The following YPEL1 variants were observed in gnomAD, a reference collection of about 807,000 sequenced individuals.
The protein encoded by YPEL1 is protein yippee-like 1.
Under a neutral mutation model 17.3 loss-of-function variants are expected in YPEL1, and 7 were observed. The ratio of observed to expected loss-of-function variants is 0.40; its 90% CI spans 0.23 to 0.76. The LOEUF is 0.76. Among genes scored for constraint, YPEL1 ranks in the 30% least tolerant of loss-of-function variants. The pLI is 0.35. For missense variants in YPEL1, 91 were observed against 155.5 expected (o/e 0.59, Z 2.21); for synonymous variants, 59 against 59.6 (o/e 0.99, Z 0.05).
At chr22:21,725,304 C>T (rs560647204) in intron 1 of YPEL1, among the ~76,000 whole-genome samples, 80 of 151,422 alleles carry the variant, frequency 5.3e-4, no homozygotes, top group African/African-American at 1.8e-3. Context: ...AATGCAAGCT[C>T]CATCTCCCGG....
At chr22:21,719,476 C>A (rs2068258962) in intron 1 of YPEL1, among the ~76,000 whole-genome samples, 1 of 152,184 alleles carries the variant, frequency 6.6e-6, no homozygotes, top group South Asian at 2.1e-4. Context: ...AAGAGAGAGA[C>A]AGGAAACTTA....
intron 1 of YPEL1, among the ~76,000 whole-genome samples, chr22:21,722,559 G>T (rs1173655068): frequency 6.6e-6 from 1 of 151,998 alleles, no homozygotes; most frequent in Non-Finnish European, 1.5e-5. Flanking sequence ...GGAGATTGCA[G>T]TGAGCCGACA....
intron 1 of YPEL1, among the ~76,000 whole-genome samples, chr22:21,725,770 A>T (rs2068329580): frequency 1.3e-5 from 2 of 151,310 alleles, no homozygotes; most frequent in South Asian, 4.2e-4. Flanking sequence ...GGGCAGGAGG[A>T]TCACTTGAGC....
intron 1 of YPEL1, among the ~76,000 whole-genome samples, chr22:21,732,040 GAAT>G: frequency 6.6e-6 from 1 of 152,364 alleles, no homozygotes; most frequent in East Asian, 1.9e-4. Flanking sequence ...GCAATGGGGT[GAAT>G]AACGGCTCCT....
intron 1 of YPEL1, among the ~76,000 whole-genome samples, chr22:21,731,538 G>GAA (rs1555906330): frequency 1.5e-5 from 2 of 137,884 alleles, no homozygotes; most frequent in Non-Finnish European, 1.5e-5. Flanking sequence ...AGAGAAGGGG[G>GAA]GAAAAAAAAA....
Position 21,700,370 on chromosome 22 carries a change from G to A in YPEL1, c.*759C>T, listed in dbSNP as rs1466443039. Reference sequence around the variant, plus strand: ...CCCTATTGCCAGGCTGGAGTGCAGTGGCGCGATCTTGGCTCACTGCAACCT... The same window carrying A: ...CCCTATTGCCAGGCTGGAGTGCAGTAGCGCGATCTTGGCTCACTGCAACCT... On this transcript the variant is annotated 3_prime_UTR_variant, in exon 5 of 5. Coordinates refer to ENST00000339468, the MANE Select transcript of YPEL1 (RefSeq NM_013313.5). 1.3e-5 allele frequency: 2 copies of A among 152,422 alleles called. No individual in the cohort carries two copies. Among genetic ancestry groups the A allele is most frequent in the Non-Finnish European group, 2.9e-5 (2 of 68,210 alleles). The allele number at this position is 152,422 out of a possible 1,614,324, so 9.4% of individuals were successfully genotyped here.
chr22:21,718,803 C>T (rs540280454), intron 1 of YPEL1, among the ~76,000 whole-genome samples: 1 of 152,088 alleles, frequency 6.6e-6, no homozygotes, highest in African/African-American at 2.4e-5. Context: ...CACACACACA[C>T]ACCATCTTCT....
In YPEL1 at chr22:21,703,112, G is replaced by A. The variant is rs143834675; in HGVS notation, c.270+258C>T. ...GGGCGGGCTGGGTGCAGAGAGCCTGGCTTAGGAAGAAACAGGGCTTGAAAA... is the reference window on the plus strand; with the variant it reads ...GGGCGGGCTGGGTGCAGAGAGCCTGACTTAGGAAGAAACAGGGCTTGAAAA... On this transcript the variant is annotated intron_variant, in intron 4 of 4. Coordinates refer to ENST00000339468, the MANE Select transcript of YPEL1 (RefSeq NM_013313.5). The surrounding 1 kb of genome is among the most constrained non-coding windows in gnomAD (Gnocchi z 6.1). Among the ~76,000 whole-genome samples, 1 of 152,176 alleles carries A rather than the reference G, an allele frequency of 6.6e-6. No homozygotes were observed. The highest frequency in any genetic ancestry group is 1.5e-5 in the Non-Finnish European group (1 of 68,036).
intron 1 of YPEL1, among the ~76,000 whole-genome samples, chr22:21,711,532 T>G (rs921505280): frequency 1.1e-4 from 17 of 152,174 alleles, no homozygotes; most frequent in Admixed American, 6.5e-5. Flanking sequence ...GGATCCAGTA[T>G]TATTTAATCT....
intron 1 of YPEL1, among the ~76,000 whole-genome samples, chr22:21,711,127 G>C (rs1172750035): frequency 6.6e-6 from 1 of 151,560 alleles, no homozygotes; most frequent in Admixed American, 6.6e-5. Flanking sequence ...GGGTTCAAGC[G>C]ATTCTTCTAC....
At chr22:21,729,751 C>T (rs2068370168) in intron 1 of YPEL1, among the ~76,000 whole-genome samples, 1 of 152,164 alleles carries the variant, frequency 6.6e-6, no homozygotes, top group Non-Finnish European at 1.5e-5. Context: ...TTGGCTGATG[C>T]ACATGTGCAA....
intron 1 of YPEL1, among the ~76,000 whole-genome samples, chr22:21,723,967 T>C (rs911436436): frequency 3.9e-5 from 6 of 152,058 alleles, no homozygotes; most frequent in Non-Finnish European, 8.8e-5. Context: ...ACGCCTGGCC[T>C]GGGATTTTAT....
intron 1 of YPEL1, among the ~76,000 whole-genome samples, chr22:21,714,685 C>G (rs1393104709): frequency 6.6e-6 from 1 of 152,174 alleles, no homozygotes; most frequent in Non-Finnish European, 1.5e-5. Flanking sequence ...ACAGCAGCAC[C>G]TCCCAAGTGC....
At chr22:21,708,840 A>AT (rs909092371) in intron 2 of YPEL1, among the ~76,000 whole-genome samples, 6 of 149,852 alleles carry the variant, frequency 4.0e-5, no homozygotes, top group East Asian at 2.0e-4. Flanking sequence ...CTAATTTTGT[A>AT]TTTTTTTTAG....
At position 21,701,117 on chromosome 22, in the gene YPEL1, A is replaced by G. The variant is rs1325461995; in HGVS notation, c.*12T>C. 7 of 1,609,874 alleles carry G rather than the reference A, an allele frequency of 4.3e-6. No homozygotes were observed. Among genetic ancestry groups the G allele is most frequent in the South Asian group, 3.3e-5 (3 of 90,792 alleles). ...CAAAACAGCATTCAAAGGAGAAGGG[A>G]AAGTTCGCACATTACTCCCAGCCAT... On this transcript the variant is annotated 3_prime_UTR_variant, in exon 5 of 5. Transcript: ENST00000339468.
chr22:21,728,247 C>G (rs2068354724), intron 1 of YPEL1, among the ~76,000 whole-genome samples: 1 of 152,266 alleles, frequency 6.6e-6, no homozygotes, highest in African/African-American at 2.4e-5. Context: ...CTTCCTTCCC[C>G]TCCTCTCCAT....
chr22:21,732,868 A>G (rs1378075796), intron 1 of YPEL1, among the ~76,000 whole-genome samples: 1 of 152,172 alleles, frequency 6.6e-6, no homozygotes, highest in Non-Finnish European at 1.5e-5. Context: ...CGGGAGGCTG[A>G]GACTGGAGGA....
chr22:21,711,917 T>C lies in YPEL1; in HGVS notation c.-164-1009A>G, dbSNP rs1288723414. On this transcript the variant is annotated intron_variant, in intron 1 of 4. Transcript: ENST00000339468. ...TGGCTCGGTGCAGTGCTCACGCCTG[T>C]GGTCCCAGCACTTTGGGAGGCTGAG... 2.0e-5 allele frequency among the ~76,000 whole-genome samples: 3 copies of C among 152,222 alleles called. No homozygotes were observed. The East Asian group carries it at 5.8e-4, about 29-fold the overall frequency.
chr22:21,734,879 G>A (rs765177956), intron 1 of YPEL1, among the ~76,000 whole-genome samples: 16 of 152,126 alleles, frequency 1.1e-4, no homozygotes, highest in Non-Finnish European at 2.1e-4. Flanking sequence ...CTTAGCAAAG[G>A]AAACATCAGG....
Sources: allele counts gnomAD v4.1 joint callset (sites outside exome capture counted in the v4.1 genomes callset), GRCh38; gene constraint gnomAD v4.1.1; non-coding constraint Gnocchi (gnomAD v3.1); transcripts MANE v1.5; gene names NCBI Gene and HGNC (gene_info 2026-07-23, HGNC 2026-07-21).